GSDME: variants seen among roughly 807,000 people sequenced by gnomAD.
The protein encoded by GSDME is gasdermin E.
A neutral mutation model predicts 47.5 loss-of-function variants in GSDME; 44 were observed. That is an observed-to-expected ratio of 0.93 (90% confidence interval 0.73 to 1.19). GSDME has a LOEUF of 1.19. Ranked by LOEUF, GSDME falls within the 50% of genes most tolerant of loss-of-function variation. GSDME has a pLI of 0.00. For synonymous variants in GSDME, 258 were observed against 252.8 expected (o/e 1.02, Z -0.20); for missense variants, 663 against 604.2 (o/e 1.10, Z -1.02).
the GSDME span, among the ~76,000 whole-genome samples, chr7:24,788,129 C>T: frequency 2.0e-5 from 3 of 152,216 alleles, no homozygotes; most frequent in African/African-American, 2.4e-5. This position sits in a 1 kb window ranked among gnomAD's most constrained non-coding sequence, Gnocchi z 4.6. Flanking sequence ...GAAAATGCGT[C>T]CAAACACTCA....
chr7:24,698,856 A>G lies in GSDME; in HGVS notation c.*170T>C, dbSNP rs1788741025. The G allele has an allele frequency of 1.5e-6, 1 of 661,224 alleles. No individual in the cohort carries two copies. Among genetic ancestry groups the G allele is most frequent in the Non-Finnish European group, 2.7e-6 (1 of 365,578 alleles). The allele number at this position is 661,224 out of a possible 1,614,324, so 41.0% of individuals were successfully genotyped here. A position where few individuals can be genotyped will look rare whatever the true frequency, so the allele number is the denominator to read the frequency against. On this transcript the variant is annotated 3_prime_UTR_variant, in exon 10 of 10. Transcript: ENST00000645220. ...GGCCTCTGATAAGGAAAACTGTTTA[A>G]AGAGTACCTGGTGGCTAAAAGTCAG... is the stretch of plus-strand genomic sequence containing the variant.
intron 3 of GSDME, among the ~76,000 whole-genome samples, chr7:24,719,853 T>TA (rs1383197296): frequency 6.6e-6 from 1 of 151,902 alleles, no homozygotes; most frequent in African/African-American, 2.4e-5. Context: ...CCATGTACCT[T>TA]AGACCCTGGA....
At chr7:24,703,248 T>A (rs547559224) in intron 8 of GSDME, 8 of 334,808 alleles carry the variant, frequency 2.4e-5, no homozygotes, top group South Asian at 1.3e-4. Context: ...TTACCATAGT[T>A]GTTTTGTTTT....
intron 6 of GSDME, among the ~76,000 whole-genome samples, chr7:24,709,563 G>A (rs972447857): frequency 3.3e-5 from 5 of 151,960 alleles, no homozygotes; most frequent in African/African-American, 9.7e-5. Context: ...CACACGGAGC[G>A]GTTCCTAGCT....
intron 5 of GSDME, among the ~76,000 whole-genome samples, chr7:24,715,741 A>G (rs1179432011): frequency 6.6e-6 from 1 of 152,218 alleles, no homozygotes; most frequent in African/African-American, 2.4e-5. Flanking sequence ...CAAATTTGGA[A>G]CTACGGGCCT....
At chr7:24,755,738 C>CT (rs941704576) in intron 1 of GSDME, among the ~76,000 whole-genome samples, 4 of 152,140 alleles carry the variant, frequency 2.6e-5, no homozygotes, top group African/African-American at 9.7e-5. Flanking sequence ...CCCTGTTCAG[C>CT]TTTTTTTCTG....
intron 5 of GSDME, among the ~76,000 whole-genome samples, chr7:24,711,559 A>C (rs1789353603): frequency 6.6e-6 from 1 of 151,912 alleles, no homozygotes; most frequent in African/African-American, 2.4e-5. Context: ...GGTGGCTCAC[A>C]CCTGTAATGC....
At chr7:24,761,665 G>A (rs1003371905), upstream of GSDME, among the ~76,000 whole-genome samples, 4 of 152,196 alleles carry the variant, frequency 2.6e-5, no homozygotes, top group Admixed American at 6.5e-5. The surrounding 1 kb of genome is among the most constrained non-coding windows in gnomAD (Gnocchi z 4.4). Flanking sequence ...TTGAGGGTGG[G>A]ACTGAACTTG....
chr7:24,720,829 C>G (rs901003078), intron 3 of GSDME, among the ~76,000 whole-genome samples: 7 of 152,082 alleles, frequency 4.6e-5, no homozygotes, highest in African/African-American at 7.2e-5. Context: ...ATTGCTTGAA[C>G]CCGGGAGGCG....
At chr7:24,703,002 A>G in intron 8 of GSDME, 169 bp from the exon 9 acceptor site, 2 of 595,300 alleles carry the variant, frequency 3.4e-6, no homozygotes, top group South Asian at 1.6e-5. Flanking sequence ...ATGGGCAGCA[A>G]AGACCTTGTA....
chr7:24,794,241 G>C, the GSDME span, among the ~76,000 whole-genome samples: 1 of 148,536 alleles, frequency 6.7e-6, no homozygotes, highest in Non-Finnish European at 1.5e-5. Context: ...TGTCTCTCTT[G>C]CTTTCTCTCT....
chr7:24,698,447 C>T lies in GSDME; in HGVS notation c.*579G>A, dbSNP rs1788722380. On this transcript the variant is annotated 3_prime_UTR_variant, in exon 10 of 10. Transcript: ENST00000645220. ...AATTAGTATGTTCACTGAAGCATGG[C>T]AAGGTCACATAAAATGCATATAGCT... is the stretch of plus-strand genomic sequence containing the variant. 5.9e-6 allele frequency: 1 copy of T among 169,846 alleles called. No individual in the cohort carries two copies. Among genetic ancestry groups the T allele is most frequent in the African/African-American group, 2.4e-5 (1 of 41,542 alleles). 10.5% of individuals were successfully genotyped at this position (169,846 alleles called of 1,614,324 possible). A position where few individuals can be genotyped will look rare whatever the true frequency, so the allele number is the denominator to read the frequency against.
At chr7:24,770,479 G>A in the GSDME span, among the ~76,000 whole-genome samples, 6 of 152,252 alleles carry the variant, frequency 3.9e-5, no homozygotes, top group South Asian at 8.3e-4. This position sits in a 1 kb window ranked among gnomAD's most constrained non-coding sequence, Gnocchi z 4.6. Flanking sequence ...TTTGCAGCCC[G>A]GTTACACAGA....
At chr7:24,790,891 C>G in the GSDME span, among the ~76,000 whole-genome samples, 1 of 152,166 alleles carries the variant, frequency 6.6e-6, no homozygotes, top group Non-Finnish European at 1.5e-5. This position sits in a 1 kb window ranked among gnomAD's most constrained non-coding sequence, Gnocchi z 4.1. Flanking sequence ...GATGTATACA[C>G]TGGGAACAAT....
the GSDME span, among the ~76,000 whole-genome samples, chr7:24,792,348 G>A: frequency 1.2e-4 from 18 of 152,150 alleles, no homozygotes; most frequent in African/African-American, 3.9e-4. Context: ...CTGTATATTG[G>A]GGGGCAAGAC....
chr7:24,734,192 A>T (rs1051982504), intron 3 of GSDME, among the ~76,000 whole-genome samples: 1 of 152,238 alleles, frequency 6.6e-6, no homozygotes, highest in African/African-American at 2.4e-5. Flanking sequence ...TACCTCTACA[A>T]GTCTATAAGA....
At position 24,756,709 on chromosome 7, in the gene GSDME, C is replaced by CT. The variant is rs774027733; in HGVS notation, c.-20+686dup. On this transcript the variant is annotated intron_variant, in intron 1 of 9. Transcript: ENST00000645220. The surrounding 1 kb of genome is among the most constrained non-coding windows in gnomAD (Gnocchi z 4.2). ...GCTTTTCTAAGAGGTGCCCTCTAGT[C>CT]TTTCCCCTCGGGGTGCAGACGGCAA... Among the ~76,000 whole-genome samples the CT allele has an allele frequency of 2.0e-5, 3 of 152,196 alleles. No individual in the cohort carries two copies. The highest frequency in any genetic ancestry group is 2.9e-5 in the Non-Finnish European group (2 of 68,036).
Position 24,721,814 on chromosome 7 carries a change from C to A in GSDME, c.405-2596G>T, listed in dbSNP as rs534475306. The stretch of plus-strand genomic sequence containing the variant: ...CCAGTGCGTTCCCAGGCTGAGGCCC[C>A]ATGTGATCTGCCCTGCCCCCTGTTG... On this transcript the variant is annotated intron_variant, in intron 3 of 9. Transcript: ENST00000645220. The surrounding 1 kb of genome is among the most constrained non-coding windows in gnomAD (Gnocchi z 4.1). 6.6e-6 allele frequency among the ~76,000 whole-genome samples: 1 copy of A among 152,312 alleles called. No individual in the cohort carries two copies. The highest frequency in any genetic ancestry group is 1.9e-4 in the East Asian group (1 of 5,186).
intron 5 of GSDME, 147 bp from the exon 6 acceptor site, chr7:24,710,535 G>A (rs753250388): frequency 3.1e-4 from 235 of 746,636 alleles, no homozygotes; most frequent in Non-Finnish European, 4.2e-4. Context: ...CATAAAATTC[G>A]ATCCCTACAC....
Sources: gnomAD v4.1 joint callset for allele counts (sites outside exome capture counted in the v4.1 genomes callset) on GRCh38, gnomAD v4.1.1 for gene constraint, Gnocchi (gnomAD v3.1) non-coding constraint, MANE v1.5 for transcripts, NCBI Gene and HGNC (gene_info 2026-07-23, HGNC 2026-07-21) for gene names.